DGKI: variants seen among roughly 807,000 people sequenced by gnomAD.
DGKI encodes the protein diacylglycerol kinase iota, also known as DAG kinase iota.
In DGKI, 55 loss-of-function variants were observed where a neutral mutation model predicts 147.5. The ratio of observed to expected loss-of-function variants is 0.37; its 90% CI spans 0.30 to 0.47. DGKI has a LOEUF of 0.47. DGKI is among the 20% of genes least tolerant of loss of function. The probability of loss-of-function intolerance (pLI) is 1.00; values close to 1 mark genes in which losing one functional copy is unlikely to be tolerated. For synonymous variants in DGKI, 469 were observed against 477.1 expected (o/e 0.98, Z 0.22); for missense variants, 1,007 against 1,323.8 (o/e 0.76, Z 3.71).
At position 137,620,188 on chromosome 7, in the gene DGKI, G is replaced by T. The variant is rs6946550; in HGVS notation, c.877-248C>A. Among the ~76,000 whole-genome samples the T allele has an allele frequency of 5.7e-3, 872 of 152,058 alleles. 14 individuals are homozygous for T. The highest frequency in any genetic ancestry group is 0.02 in the African/African-American group (814 of 41,474). On this transcript the variant is annotated intron_variant, in intron 7 of 32. Transcript: ENST00000614521. The stretch of plus-strand genomic sequence containing the variant: ...AGAGACCAGACTTCAGATTTATTCC[G>T]GTTTACAAACTTATAACATTGATAA...
intron 10 of DGKI, among the ~76,000 whole-genome samples, chr7:137,607,736 TGTTC>T (rs1339177515): frequency 3.3e-5 from 5 of 152,142 alleles, no homozygotes; most frequent in Non-Finnish European, 7.4e-5. Context: ...GAGTGGGTAT[TGTTC>T]AGGGAAAATT....
intron 1 of DGKI, among the ~76,000 whole-genome samples, chr7:137,806,904 T>A (rs1797388644): frequency 6.6e-6 from 1 of 152,032 alleles, no homozygotes; most frequent in South Asian, 2.1e-4. Flanking sequence ...TTCCCAACCA[T>A]CACCACCAAC....
chr7:137,413,323 A>C (rs1346176550), intron 28 of DGKI, among the ~76,000 whole-genome samples: 18 of 151,654 alleles, frequency 1.2e-4, no homozygotes, highest in Non-Finnish European at 7.4e-5. Context: ...ATGCATGTGC[A>C]GGTTTGTTAC....
At chr7:137,491,047 A>C (rs937911485) in intron 21 of DGKI, among the ~76,000 whole-genome samples, 4 of 152,226 alleles carry the variant, frequency 2.6e-5, no homozygotes, top group African/African-American at 9.6e-5. Flanking sequence ...CAGATGAAGT[A>C]GATGAAAAAT....
intron 1 of DGKI, among the ~76,000 whole-genome samples, chr7:137,709,703 T>C (rs1035469457): frequency 6.6e-6 from 1 of 151,972 alleles, no homozygotes; most frequent in African/African-American, 2.4e-5. Flanking sequence ...CATGAAATCC[T>C]CATCAAAAAT....
chr7:137,484,695 G>A (rs1815491859), intron 23 of DGKI, among the ~76,000 whole-genome samples: 1 of 151,966 alleles, frequency 6.6e-6, no homozygotes, highest in South Asian at 2.1e-4. Flanking sequence ...GAAAGAAACT[G>A]CACCCCCAAA....
Position 137,782,636 on chromosome 7 carries a change from G to A in DGKI, c.401+63826C>T, listed in dbSNP as rs148883828. On this transcript the variant is annotated intron_variant, in intron 1 of 32. Coordinates refer to ENST00000614521, the MANE Select transcript of DGKI (RefSeq NM_001321708.2). ...AGGTTTGCATCCTCCCTATAGGACC[G>A]CAGCTGATGCACTCTTGAAAGCACC... is the stretch of plus-strand genomic sequence containing the variant. Among the ~76,000 whole-genome samples the A allele has an allele frequency of 5.0e-3, 761 of 152,214 alleles. 11 individuals are homozygous for A. Among genetic ancestry groups the A allele is most frequent in the African/African-American group, 0.017 (724 of 41,520 alleles).
intron 6 of DGKI, among the ~76,000 whole-genome samples, chr7:137,636,914 G>C (rs1164743352): frequency 6.6e-6 from 1 of 152,202 alleles, no homozygotes; most frequent in Non-Finnish European, 1.5e-5. Flanking sequence ...ACGAGCAGAA[G>C]TTTCCTGAAG....
In DGKI at chr7:137,384,036, T is replaced by C. The variant is rs1321444814; in HGVS notation, c.*7184A>G. ...CTATGTATATGACTATGTATTATCA[T>C]AACACTTAGCTTGCATACCCACCCA... On this transcript the variant is annotated 3_prime_UTR_variant, in exon 33 of 33. Coordinates refer to ENST00000614521, the MANE Select transcript of DGKI (RefSeq NM_001321708.2). 1 of 152,068 alleles carries C rather than the reference T, an allele frequency of 6.6e-6. No individual in the cohort carries two copies. The highest frequency in any genetic ancestry group is 6.6e-5 in the Admixed American group (1 of 15,240). 9.4% of individuals were successfully genotyped at this position (152,068 alleles called of 1,614,324 possible). A position where few individuals can be genotyped will look rare whatever the true frequency, so the allele number is the denominator to read the frequency against.
chr7:137,582,006 C>T, intron 14 of DGKI, 78 bp from the exon 15 acceptor site: 14 of 1,186,118 alleles, frequency 1.2e-5, no homozygotes, highest in South Asian at 5.1e-5. Flanking sequence ...AAAGCTGGAC[C>T]CCTATCTCTG....
chr7:137,462,700 A>G (rs1215473079), intron 27 of DGKI, among the ~76,000 whole-genome samples: 1 of 152,194 alleles, frequency 6.6e-6, no homozygotes, highest in Non-Finnish European at 1.5e-5. Flanking sequence ...TCATTATTTG[A>G]TTAAGACCCC....
chr7:137,541,209 A>G (rs922091842), intron 20 of DGKI, among the ~76,000 whole-genome samples: 1 of 152,172 alleles, frequency 6.6e-6, no homozygotes, highest in African/African-American at 2.4e-5. Flanking sequence ...ATGGCACAGA[A>G]TAGAGTCTAC....
Position 137,383,353 on chromosome 7 carries a change from CT to C in DGKI, c.*7866del, listed in dbSNP as rs1332490327. 6.6e-6 allele frequency: 1 copy of C among 151,434 alleles called. No individual in the cohort carries two copies. Among genetic ancestry groups the C allele is most frequent in the Non-Finnish European group, 1.5e-5 (1 of 67,822 alleles). The allele number at this position is 151,434 out of a possible 1,614,324, so 9.4% of individuals were successfully genotyped here. On this transcript the variant is annotated 3_prime_UTR_variant, in exon 33 of 33. Transcript: ENST00000614521. The stretch of plus-strand genomic sequence containing the variant: ...AGGTGTGTTTGTGTAAGCAAGGCAA[CT>C]TTTTAGGGTCATGAAATCCCCGCTG...
At chr7:137,686,968 G>GT (rs1045468449) in intron 2 of DGKI, among the ~76,000 whole-genome samples, 8 of 151,904 alleles carry the variant, frequency 5.3e-5, no homozygotes, top group Non-Finnish European at 1.0e-4. Flanking sequence ...CACCATGAAC[G>GT]TTTTTTTTAA....
chr7:137,439,063 G>A (rs1813392515), intron 28 of DGKI, among the ~76,000 whole-genome samples: 1 of 152,166 alleles, frequency 6.6e-6, no homozygotes, highest in Non-Finnish European at 1.5e-5. Flanking sequence ...GGAAGCAAAT[G>A]ACATGAAGCT....
intron 1 of DGKI, among the ~76,000 whole-genome samples, chr7:137,774,061 G>A (rs1322263342): frequency 6.6e-6 from 1 of 152,138 alleles, no homozygotes; most frequent in Non-Finnish European, 1.5e-5. Flanking sequence ...CAATGAGAAG[G>A]CACCAAACTT....
chr7:137,587,185 T>A lies in DGKI; in HGVS notation c.1337A>T (p.Asp446Val). Reference protein sequence around the residue: ...GTVGWILSILDELQLSPQPPV... With the variant: ...GTVGWILSILVELQLSPQPPV... ...AGGCTGAGGGCTCAGCTGCAGTTCATCCAGGATGGAAAGGATCCAGCCCAC... is the reference window on the plus strand; with the variant it reads ...AGGCTGAGGGCTCAGCTGCAGTTCAACCAGGATGGAAAGGATCCAGCCCAC... Residue 446 changes from aspartate to valine, a missense_variant, in exon 13 of 33, where the codon GAT (aspartate) becomes GTT (valine). Transcript: ENST00000614521. The A allele has an allele frequency of 6.2e-7, 1 of 1,612,672 alleles. No individual in the cohort carries two copies. Among genetic ancestry groups the A allele is most frequent in the Non-Finnish European group, 8.5e-7 (1 of 1,179,524 alleles).
At chr7:137,713,759 G>A (rs948854442) in intron 1 of DGKI, among the ~76,000 whole-genome samples, 8 of 151,838 alleles carry the variant, frequency 5.3e-5, no homozygotes, top group East Asian at 1.9e-4. Flanking sequence ...CTCCCACCTC[G>A]GTGCCTCAAG....
At chr7:137,647,986 A>G (rs1453779591) in intron 5 of DGKI, among the ~76,000 whole-genome samples, 1 of 152,206 alleles carries the variant, frequency 6.6e-6, no homozygotes, top group Non-Finnish European at 1.5e-5. Context: ...ACAGGGTGGC[A>G]GCAGAATCTG....
Sources: allele counts gnomAD v4.1 joint callset (sites outside exome capture counted in the v4.1 genomes callset), GRCh38; gene constraint gnomAD v4.1.1; transcripts MANE v1.5; gene names NCBI Gene and HGNC (gene_info 2026-07-23, HGNC 2026-07-21).